The following PRKCB variants were observed in gnomAD, a reference collection of about 807,000 sequenced individuals.
The protein encoded by PRKCB is protein kinase C beta type.
In PRKCB, 13 loss-of-function variants were observed where a neutral mutation model predicts 81.5. The observed-to-expected ratio is 0.16, with a 90% CI of 0.10 to 0.25. PRKCB has a LOEUF of 0.25. Among genes scored for constraint, PRKCB ranks in the 10% least tolerant of loss-of-function variants. The pLI is 1.00. For missense variants in PRKCB, 509 were observed against 875.7 expected, an observed-to-expected ratio of 0.58 and a Z score of 5.29; for synonymous variants, 335 against 321.4, an observed-to-expected ratio of 1.04 and a Z score of -0.45.
At position 24,054,667 on chromosome 16, in the gene PRKCB, G is replaced by A. The variant is rs575649031; in HGVS notation, c.529+19120G>A. 1.1e-3 allele frequency among the ~76,000 whole-genome samples: 164 copies of A among 152,280 alleles called. 1 individual carries two copies. The highest frequency in any genetic ancestry group is 3.5e-3 in the African/African-American group (145 of 41,566). ...AACAAAATGAGAACTATTCTGAGAG[G>A]GAGGAAAAGGTTCTTTTCTGTGGGA... On this transcript the variant is annotated intron_variant, in intron 5 of 16. Transcript: ENST00000643927.
At chr16:24,156,009 T>C (rs1375167616) in intron 10 of PRKCB, among the ~76,000 whole-genome samples, 1 of 152,186 alleles carries the variant, frequency 6.6e-6, no homozygotes, top group Non-Finnish European at 1.5e-5. Context: ...TTGTCTCTCA[T>C]AGTGAAGTTG....
chr16:24,080,501 G>A (rs1191668009), intron 5 of PRKCB, among the ~76,000 whole-genome samples: 2 of 152,138 alleles, frequency 1.3e-5, no homozygotes, highest in African/African-American at 4.8e-5. Context: ...AGACAGGGAG[G>A]AGACATGGTG....
chr16:24,208,758 G>A (rs1968086238), intron 16 of PRKCB, among the ~76,000 whole-genome samples: 1 of 152,150 alleles, frequency 6.6e-6, no homozygotes, highest in Non-Finnish European at 1.5e-5. Context: ...ACTGATCTGG[G>A]CTGTGTCTCC....
intron 16 of PRKCB, among the ~76,000 whole-genome samples, chr16:24,205,409 C>A (rs1217241254): frequency 6.6e-6 from 1 of 151,692 alleles, no homozygotes; most frequent in African/African-American, 2.4e-5. Context: ...TCCACCTGGG[C>A]CTCCCAAAGT....
intron 8 of PRKCB, among the ~76,000 whole-genome samples, chr16:24,115,960 C>T (rs1294124499): frequency 2.0e-5 from 3 of 151,656 alleles, no homozygotes; most frequent in South Asian, 4.1e-4. Context: ...CTCCTGACCT[C>T]GTGATCCGTC....
chr16:23,995,133 A>T (rs1964937794), intron 3 of PRKCB, among the ~76,000 whole-genome samples: 2 of 152,126 alleles, frequency 1.3e-5, no homozygotes, highest in South Asian at 4.1e-4. Context: ...GTGAAGGATA[A>T]GTTGTTGCAT....
At chr16:24,203,650 G>C (rs914718190) in intron 16 of PRKCB, among the ~76,000 whole-genome samples, 1 of 152,158 alleles carries the variant, frequency 6.6e-6, no homozygotes, top group Non-Finnish European at 1.5e-5. Flanking sequence ...AATTTGGAGG[G>C]TTGAGACCAG....
chr16:23,909,189 C>A (rs1963613535), intron 2 of PRKCB, among the ~76,000 whole-genome samples: 1 of 152,194 alleles, frequency 6.6e-6, no homozygotes, highest in Non-Finnish European at 1.5e-5. Context: ...TTAATGGGCA[C>A]AAATTATTGG....
At chr16:24,015,905 A>G (rs1965271810) in intron 3 of PRKCB, among the ~76,000 whole-genome samples, 1 of 152,216 alleles carries the variant, frequency 6.6e-6, no homozygotes, top group South Asian at 2.1e-4. Flanking sequence ...GTGGAAATAT[A>G]TATAAGGTTT....
chr16:24,107,672 G>A (rs1327502278), intron 7 of PRKCB, among the ~76,000 whole-genome samples: 4 of 152,328 alleles, frequency 2.6e-5, no homozygotes, highest in South Asian at 2.1e-4. Context: ...ACTCTGTGGC[G>A]TACTGGCCAC....
chr16:24,140,979 A>C (rs558707604), intron 9 of PRKCB, among the ~76,000 whole-genome samples: 1 of 152,334 alleles, frequency 6.6e-6, no homozygotes, highest in South Asian at 2.1e-4. Flanking sequence ...GTCAAAAGCA[A>C]GATGAGGATT....
intron 2 of PRKCB, among the ~76,000 whole-genome samples, chr16:23,867,599 A>C (rs1006950328): frequency 6.6e-6 from 1 of 152,094 alleles, no homozygotes; most frequent in African/African-American, 2.4e-5. Flanking sequence ...TGTGTTGTCT[A>C]TTTTCATCAA....
At chr16:23,968,232 CT>C (rs1354595312) in intron 2 of PRKCB, among the ~76,000 whole-genome samples, 13 of 152,200 alleles carry the variant, frequency 8.5e-5, no homozygotes, top group Non-Finnish European at 1.5e-4. Flanking sequence ...TCCTCCACCC[CT>C]GAGGTTGTCA....
intron 9 of PRKCB, chr16:24,151,851 TG>T: frequency 2.2e-6 from 1 of 455,756 alleles, no homozygotes; most frequent in Non-Finnish European, 4.4e-6. Context: ...ATCTACGAAA[TG>T]GGGGTAATTG....
At chr16:23,869,187 A>G (rs1962861345) in intron 2 of PRKCB, 3 of 448,420 alleles carry the variant, frequency 6.7e-6, no homozygotes, top group Admixed American at 2.4e-5. Context: ...TCTACTCTAC[A>G]TTTAAACAGA....
intron 5 of PRKCB, among the ~76,000 whole-genome samples, chr16:24,048,403 C>T (rs925768796): frequency 5.3e-5 from 8 of 152,120 alleles, no homozygotes; most frequent in Non-Finnish European, 1.2e-4. Context: ...TCTTGGACAC[C>T]GTCTTATCCT....
chr16:24,132,771 C>CTCTTTTTT (rs1476624243), intron 9 of PRKCB, among the ~76,000 whole-genome samples: 2 of 100,968 alleles, frequency 2.0e-5, no homozygotes, highest in African/African-American at 8.8e-5. Flanking sequence ...TGATTTGGGG[C>CTCTTTTTT]TTTTTTTTTT....
intron 3 of PRKCB, among the ~76,000 whole-genome samples, chr16:24,017,917 T>TA (rs1965303105): frequency 6.9e-6 from 1 of 145,626 alleles, no homozygotes; most frequent in Non-Finnish European, 1.5e-5. Flanking sequence ...TTTTTTTTTT[T>TA]AGACAGAGTC....
At chr16:23,886,654 C>T (rs1266339834) in intron 2 of PRKCB, among the ~76,000 whole-genome samples, 4 of 152,054 alleles carry the variant, frequency 2.6e-5, no homozygotes, top group South Asian at 2.1e-4. Context: ...CTCAAGTGAT[C>T]GGCCTGCCTT....
Sources: gnomAD v4.1 joint callset for allele counts (sites outside exome capture counted in the v4.1 genomes callset) on GRCh38, gnomAD v4.1.1 for gene constraint, MANE v1.5 for transcripts, NCBI Gene and HGNC (gene_info 2026-07-23, HGNC 2026-07-21) for gene names.